Variants in THBS3 observed in about 807,000 individuals in gnomAD.
THBS3 encodes thrombospondin-3.
In THBS3, 78 loss-of-function variants were observed where a neutral mutation model predicts 118.3. The observed-to-expected ratio is 0.66, with a 90% CI of 0.55 to 0.80. The LOEUF (loss-of-function observed/expected upper bound fraction) is 0.80, where lower values mean the gene tolerates loss of function less well. Among genes scored for constraint, THBS3 ranks in the 30% least tolerant of loss-of-function variants. THBS3 has a pLI of 0.00. For synonymous variants in THBS3, 427 were observed against 475.3 expected, an observed-to-expected ratio of 0.90 and a Z score of 1.32; for missense variants, 1,057 against 1,247.4, an observed-to-expected ratio of 0.85 and a Z score of 2.30.
chr1:155,196,468 C>G, intron 21 of THBS3: 4 of 317,268 alleles, frequency 1.3e-5, no homozygotes, highest in Non-Finnish European at 2.3e-5. Context: ...GTCCTGGCAC[C>G]CCACAGCCCC....
upstream of THBS3, chr1:155,209,152 C>A: frequency 6.6e-7 from 1 of 1,517,424 alleles, no homozygotes; most frequent in Non-Finnish European, 8.9e-7. Flanking sequence ...CCCCAGGCCC[C>A]CTGACCGCAA....
At position 155,203,061 on chromosome 1, in the gene THBS3, G is replaced by A. The variant is rs958672189; in HGVS notation, c.808+25C>T. The A allele has an allele frequency of 2.5e-6, 4 of 1,613,788 alleles. No individual in the cohort carries two copies. In the East Asian group the frequency reaches 6.7e-5, roughly 27 times the overall value. On this transcript the variant is annotated intron_variant, in intron 7 of 22. Coordinates refer to ENST00000368378, the MANE Select transcript of THBS3 (RefSeq NM_007112.5). ...GTGGGGAACGTGGCACGGTCATGTGGAGCCTCCCCTGCTCTCCCACTCACC... is the reference window on the plus strand; with the variant it reads ...GTGGGGAACGTGGCACGGTCATGTGAAGCCTCCCCTGCTCTCCCACTCACC...
intron 2 of THBS3, 35 bp from the exon 3 acceptor site, chr1:155,205,351 C>A: frequency 6.3e-7 from 1 of 1,597,702 alleles, no homozygotes. Flanking sequence ...GGGCGCTATC[C>A]CCCACCCCCT....
rs755440082 is a variant in THBS3 at position 155,199,850 on chromosome 1, C to T, written c.1834G>A (p.Ala612Thr). The change falls in exon 16 of 23, where the codon GCA becomes ACA. Residue 612 changes from alanine (A) to threonine (T), a missense_variant. Physicochemically the swap from Ala to Thr is moderately conservative, Grantham distance 58. Around this residue, in one of 3 missense-constraint regions of THBS3, gnomAD observed 544 missense variants for 715.6 expected, o/e 0.76. Coordinates refer to ENST00000368378, the MANE Select transcript of THBS3 (RefSeq NM_007112.5). ...ACATCCCCCACCAGGTCGCTGTCTG[C>T]ATCTGTCTGAGAGAGAGGGACCTGT... ...PEMSNPTQTDADSDLVGDVCD... is the reference protein window; with the variant it reads ...PEMSNPTQTDTDSDLVGDVCD... The T allele has an allele frequency of 1.9e-6, 3 of 1,614,124 alleles. No individual in the cohort carries two copies. The highest frequency in any genetic ancestry group is 2.7e-5 in the African/African-American group (2 of 74,940).
rs767579590 is a variant in THBS3 at position 155,203,139 on chromosome 1, T to C, written c.757-2A>G. On this transcript the variant is annotated splice_acceptor_variant, in intron 6 of 22. Transcript: ENST00000368378. LOFTEE classifies it high-confidence loss of function. ...TCGGATCAGGGACATTTCCTTCACC[T>C]GGAGAAGGATGGGGAGGAGTCAGCA... is the stretch of plus-strand genomic sequence containing the variant. 1.9e-6 allele frequency: 3 copies of C among 1,614,200 alleles called. No homozygotes were observed. The highest frequency in any genetic ancestry group is 2.5e-6 in the Non-Finnish European group (3 of 1,180,026).
Position 155,197,278 on chromosome 1 carries a change from G to A in THBS3, c.2500-65C>T, listed in dbSNP as rs974095476. 1.3e-5 allele frequency: 21 copies of A among 1,581,976 alleles called. No individual in the cohort carries two copies. Among genetic ancestry groups the A allele is most frequent in the Admixed American group, 1.7e-5 (1 of 59,224 alleles). On this transcript the variant is annotated intron_variant, in intron 20 of 22. Coordinates refer to ENST00000368378, the MANE Select transcript of THBS3 (RefSeq NM_007112.5). This position sits in a 1 kb window ranked among gnomAD's most constrained non-coding sequence, Gnocchi z 5.0. Reference sequence around the variant, plus strand: ...CTGGAGTGAGGGGAGACAACAGGTCGGTAAGTGCAGGTGGGAAAGGGATTC... The same window carrying A: ...CTGGAGTGAGGGGAGACAACAGGTCAGTAAGTGCAGGTGGGAAAGGGATTC...
At position 155,197,556 on chromosome 1, in the gene THBS3, G is replaced by A. The variant is rs1668886131; in HGVS notation, c.2406C>T (p.Gly802=). ...GCTTCCACATGACTACGTAGAAGCG[G>A]CCACTGTCTTGATAACTGAAGAGAA... ...AGFLFSYQDS[G]RFYVVMWKQT... Residue 802 remains glycine (G), a synonymous_variant, in exon 20 of 23, where the codon GGC becomes GGT. Transcript: ENST00000368378. The surrounding 1 kb of genome is among the most constrained non-coding windows in gnomAD (Gnocchi z 5.0). The A allele has an allele frequency of 6.2e-7, 1 of 1,613,910 alleles. No individual in the cohort carries two copies. Among genetic ancestry groups the A allele is most frequent in the East Asian group, 2.2e-5 (1 of 44,854 alleles).
At position 155,195,605 on chromosome 1, in the gene THBS3, C is replaced by T; in HGVS notation, c.*236G>A. On this transcript the variant is annotated 3_prime_UTR_variant, in exon 23 of 23. Transcript: ENST00000368378. ...GCACTGGCTTAGAAAACAACCAAAA[C>T]TTTATGGCAATGTGCTGTCATCTTT... 2.0e-6 allele frequency: 1 copy of T among 493,774 alleles called. No individual in the cohort carries two copies. 30.6% of individuals were successfully genotyped at this position (493,774 alleles called of 1,614,324 possible). A position where few individuals can be genotyped will look rare whatever the true frequency, so the allele number is the denominator to read the frequency against.
In THBS3 at chr1:155,201,532, A is replaced by G; in HGVS notation, c.1214T>C (p.Leu405Pro). The change falls in exon 11 of 23, where the codon CTG (leucine) becomes CCG (proline). Residue 405 changes from leucine to proline, a missense_variant. Leu to Pro is a moderately conservative substitution (Grantham distance 98). Around this residue, in one of 3 missense-constraint regions of THBS3, gnomAD observed 544 missense variants for 715.6 expected, o/e 0.76. Transcript: ENST00000368378. ...FKCGPCRLGF[L>P]GNQSQGCLPA... is the part of the protein sequence containing the mutation. ...GAGGCAGCCCTGGCTCTGGTTGCCC[A>G]GGAAACCCAGGCGGCAGGGACCACA... is the stretch of plus-strand genomic sequence containing the variant. The G allele has an allele frequency of 1.9e-6, 3 of 1,614,126 alleles. No homozygotes were observed. The highest frequency in any genetic ancestry group is 2.5e-6 in the Non-Finnish European group (3 of 1,180,014).
chr1:155,195,711 ACTC>A lies in THBS3; in HGVS notation c.*127_*129del, dbSNP rs1174530857. The A allele has an allele frequency of 1.0e-6, 1 of 1,001,208 alleles. No individual in the cohort carries two copies. The highest frequency in any genetic ancestry group is 1.6e-5 in the African/African-American group (1 of 62,122). 62.0% of individuals were successfully genotyped at this position (1,001,208 alleles called of 1,614,324 possible). ...GGGGTGACCACCCCTCTGGGACTGAACTCCTTTTGGGAGCCAGAGAAGGGTCTG... is the reference window on the plus strand; with the variant it reads ...GGGGTGACCACCCCTCTGGGACTGAACTTTTGGGAGCCAGAGAAGGGTCTG... On this transcript the variant is annotated 3_prime_UTR_variant, in exon 23 of 23. Coordinates refer to ENST00000368378, the MANE Select transcript of THBS3 (RefSeq NM_007112.5).
At chr1:155,201,394 T>TC in intron 11 of THBS3, 23 bp downstream of exon 11, 1 of 1,581,520 alleles carries the variant, frequency 6.3e-7, no homozygotes, top group Non-Finnish European at 8.6e-7. Context: ...CCCTTTTCCT[T>TC]CCACGCCTGA....
rs1668549918 is a variant in THBS3 at position 155,195,688 on chromosome 1, G to C, written c.*153C>G. ...AAACTTCTCATCCCCTGAAGGGTGG[G>C]GTGACCACCCCTCTGGGACTGAACT... On this transcript the variant is annotated 3_prime_UTR_variant, in exon 23 of 23. Transcript: ENST00000368378. 1.3e-6 allele frequency: 1 copy of C among 764,674 alleles called. No individual in the cohort carries two copies. Among genetic ancestry groups the C allele is most frequent in the Non-Finnish European group, 2.2e-6 (1 of 464,010 alleles). The allele number at this position is 764,674 out of a possible 1,614,324, so 47.4% of individuals were successfully genotyped here. A position where few individuals can be genotyped will look rare whatever the true frequency, so the allele number is the denominator to read the frequency against.
intron 15 of THBS3, 42 bp downstream of exon 15, chr1:155,199,953 C>G: frequency 6.2e-7 from 1 of 1,607,742 alleles, no homozygotes; most frequent in South Asian, 1.1e-5. Flanking sequence ...CTTCATCCAT[C>G]AGTACCCTCA....
At chr1:155,204,752 G>A (rs1251069298) in intron 4 of THBS3, 103 bp downstream of exon 4, 1 of 1,082,452 alleles carries the variant, frequency 9.2e-7, no homozygotes, top group Non-Finnish European at 1.4e-6. Flanking sequence ...GAACAGGTGA[G>A]CCAAAGGAAT....
intron 21 of THBS3, chr1:155,196,486 T>C: frequency 3.6e-6 from 1 of 280,844 alleles, no homozygotes. Flanking sequence ...CCCAGGCACC[T>C]TAAAGGGGAA....
Position 155,197,091 on chromosome 1 carries a change from C to T in THBS3, c.2622G>A (p.Lys874=). 6.2e-7 allele frequency: 1 copy of T among 1,614,144 alleles called. No homozygotes were observed. The highest frequency in any genetic ancestry group is 8.5e-7 in the Non-Finnish European group (1 of 1,180,016). The part of the protein sequence containing the change: ...TDPRNVGWRD[K]TSYRWQLLHR... Reference sequence around the variant, plus strand: ...GCAGAAGCTGCCAGCGATAGGAGGTCTTGTCCCGCCAGCCCACATTTCGTG... The same window carrying T: ...GCAGAAGCTGCCAGCGATAGGAGGTTTTGTCCCGCCAGCCCACATTTCGTG... The change falls in exon 21 of 23, where the codon AAG becomes AAA. Residue 874 remains lysine, a synonymous_variant. Transcript: ENST00000368378. The surrounding 1 kb of genome is among the most constrained non-coding windows in gnomAD (Gnocchi z 5.0).
rs547307091 is a variant in THBS3 at position 155,197,526 on chromosome 1, G to A, written c.2436C>T (p.Thr812=). Reference sequence around the variant, plus strand: ...GTGTAGCCTGCCAGTAGGTCTGCTCGGTCTGCTTCCACATGACTACGTAGA... The same window carrying A: ...GTGTAGCCTGCCAGTAGGTCTGCTCAGTCTGCTTCCACATGACTACGTAGA... The part of the protein sequence containing the change: ...GRFYVVMWKQ[T]EQTYWQATPF... Residue 812 remains threonine (T), a synonymous_variant, in exon 20 of 23, where the codon ACC becomes ACT. Coordinates refer to ENST00000368378, the MANE Select transcript of THBS3 (RefSeq NM_007112.5). The surrounding 1 kb of genome is among the most constrained non-coding windows in gnomAD (Gnocchi z 5.0). 244 of 1,614,104 alleles carry A rather than the reference G, an allele frequency of 1.5e-4. 1 individual carries two copies. The Middle Eastern group carries it at 2.0e-3, about 13-fold the overall frequency.
chr1:155,209,108 C>A (rs1229364585), upstream of THBS3: 2 of 1,543,394 alleles, frequency 1.3e-6, no homozygotes, highest in Non-Finnish European at 1.7e-6. Flanking sequence ...AGCTGCCAGT[C>A]GGGCCAGAAG....
At chr1:155,208,983 GC>G (rs769014868), upstream of THBS3, 1 of 1,604,680 alleles carries the variant, frequency 6.2e-7, no homozygotes, top group African/African-American at 1.3e-5. Flanking sequence ...TGGACGAGGC[GC>G]CGTGACTCTC....
Sources: allele counts gnomAD v4.1 joint callset, GRCh38; gene constraint gnomAD v4.1.1; regional missense constraint gnomAD v4.1.1; non-coding constraint Gnocchi (gnomAD v3.1); transcripts MANE v1.5; gene names NCBI Gene and HGNC (gene_info 2026-07-23, HGNC 2026-07-21).